Variants in PDE3A observed in about 807,000 individuals in gnomAD.
PDE3A encodes cGMP-inhibited 3',5'-cyclic phosphodiesterase 3A.
In PDE3A, 43 loss-of-function variants were observed where a neutral mutation model predicts 98.3. The observed-to-expected ratio is 0.44, with a 90% confidence interval of 0.34 to 0.56. The LOEUF is 0.56. Ranked by LOEUF, PDE3A falls within the 20% of genes least tolerant of loss-of-function variation. The probability of loss-of-function intolerance (pLI) is 0.01; values close to 1 mark genes in which losing one functional copy is unlikely to be tolerated. For missense variants in PDE3A, 1,427 were observed against 1,440.7 expected, an observed-to-expected ratio of 0.99 and a Z score of 0.15; for synonymous variants, 663 against 567.9, an observed-to-expected ratio of 1.17 and a Z score of -2.38.
intron 5 of PDE3A, among the ~76,000 whole-genome samples, chr12:20,629,301 G>A (rs1448001676): frequency 1.3e-5 from 2 of 152,122 alleles, no homozygotes; most frequent in Non-Finnish European, 2.9e-5. Flanking sequence ...CTCTGAAATG[G>A]ATTATATTAC....
At chr12:20,562,525 T>A (rs1394431885) in intron 2 of PDE3A, among the ~76,000 whole-genome samples, 2 of 152,208 alleles carry the variant, frequency 1.3e-5, no homozygotes, top group African/African-American at 2.4e-5. Context: ...GCTGCTTTTT[T>A]TTTTTGTTTT....
intron 1 of PDE3A, among the ~76,000 whole-genome samples, chr12:20,379,561 T>C (rs1943628158): frequency 6.6e-6 from 1 of 151,824 alleles, no homozygotes; most frequent in Non-Finnish European, 1.5e-5. Context: ...AAGCATTTCA[T>C]TTAGAAAATT....
chr12:20,376,130 A>G (rs1003744631), intron 1 of PDE3A, among the ~76,000 whole-genome samples: 3 of 151,882 alleles, frequency 2.0e-5, no homozygotes, highest in African/African-American at 4.8e-5. Flanking sequence ...TAGTACACTG[A>G]TTGATTGTAT....
At position 20,552,076 on chromosome 12, in the gene PDE3A, G is replaced by A; in HGVS notation, c.961-4584G>A. On this transcript the variant is annotated intron_variant, in intron 1 of 15. Coordinates refer to ENST00000359062, the MANE Select transcript of PDE3A (RefSeq NM_000921.5). The surrounding 1 kb of genome is among the most constrained non-coding windows in gnomAD (Gnocchi z 5.1). ...TTTTTTCACATACACGGGTAGTGGT[G>A]GTCGAGAGCTTTCCGGCAACAAGAG... 6.2e-7 allele frequency: 1 copy of A among 1,612,624 alleles called. No homozygotes were observed.
intron 1 of PDE3A, among the ~76,000 whole-genome samples, chr12:20,415,233 C>T (rs987037007): frequency 1.3e-5 from 2 of 151,790 alleles, no homozygotes; most frequent in African/African-American, 4.8e-5. Context: ...GGCATCGATC[C>T]TGAGTTTGAC....
Position 20,422,174 on chromosome 12 carries a change from A to G in PDE3A, c.960+51930A>G, listed in dbSNP as rs561841963. On this transcript the variant is annotated intron_variant, in intron 1 of 15. Transcript: ENST00000359062. ...ATCCTGGCTAACACGGTGAAACTCC[A>G]TCTCTACTAAAAATACAAAAAATTA... is the stretch of plus-strand genomic sequence containing the variant. Among the ~76,000 whole-genome samples the G allele has an allele frequency of 5.9e-4, 90 of 152,078 alleles. 1 individual carries two copies. The highest frequency in any genetic ancestry group is 9.7e-4 in the East Asian group (5 of 5,140).
chr12:20,624,397 G>C (rs1944209034), intron 5 of PDE3A, among the ~76,000 whole-genome samples: 1 of 152,148 alleles, frequency 6.6e-6, no homozygotes, highest in Non-Finnish European at 1.5e-5. Context: ...TGATGGAACA[G>C]CCTCATATTC....
intron 1 of PDE3A, among the ~76,000 whole-genome samples, chr12:20,529,692 G>T (rs1946589669): frequency 6.6e-6 from 1 of 152,112 alleles, no homozygotes; most frequent in South Asian, 2.1e-4. Context: ...TTCTCTTACA[G>T]ATGTGAGAGA....
At chr12:20,435,128 G>C (rs1206072408) in intron 1 of PDE3A, among the ~76,000 whole-genome samples, 1 of 152,142 alleles carries the variant, frequency 6.6e-6, no homozygotes, top group East Asian at 1.9e-4. Context: ...GAAATGTCCT[G>C]GGGGGCCTTG....
At chr12:20,657,772 G>A (rs1945076293) in intron 15 of PDE3A, among the ~76,000 whole-genome samples, 1 of 152,140 alleles carries the variant, frequency 6.6e-6, no homozygotes, top group Admixed American at 6.6e-5. Flanking sequence ...TAATTCCAGA[G>A]AGGTTTATTG....
intron 15 of PDE3A, among the ~76,000 whole-genome samples, chr12:20,671,268 G>T (rs1191559321): frequency 6.7e-6 from 1 of 150,004 alleles, no homozygotes; most frequent in Non-Finnish European, 1.5e-5. Flanking sequence ...TCTACCAGAG[G>T]TACAAGGAGG....
intron 5 of PDE3A, among the ~76,000 whole-genome samples, chr12:20,626,981 A>G (rs1207298710): frequency 6.6e-6 from 1 of 152,106 alleles, no homozygotes; most frequent in Non-Finnish European, 1.5e-5. Flanking sequence ...TGAATTTTAA[A>G]ATGTGTGTTT....
chr12:20,445,198 AG>A (rs1239878905), intron 1 of PDE3A, among the ~76,000 whole-genome samples: 5 of 152,198 alleles, frequency 3.3e-5, no homozygotes, highest in African/African-American at 1.2e-4. Context: ...GGAAGTCGAG[AG>A]GTGAAGCCTG....
chr12:20,576,548 T>A (rs1389542310), intron 2 of PDE3A, among the ~76,000 whole-genome samples: 1 of 152,042 alleles, frequency 6.6e-6, no homozygotes, highest in African/African-American at 2.4e-5. Context: ...GAAAATGAAA[T>A]AAGAATTGCC....
chr12:20,432,354 C>T (rs971515779), intron 1 of PDE3A, among the ~76,000 whole-genome samples: 2 of 152,028 alleles, frequency 1.3e-5, no homozygotes, highest in African/African-American at 2.4e-5. Flanking sequence ...TTTGGTTATG[C>T]AAGATGAGTA....
chr12:20,445,370 C>T (rs1343989545), intron 1 of PDE3A, among the ~76,000 whole-genome samples: 1 of 152,108 alleles, frequency 6.6e-6, no homozygotes, highest in African/African-American at 2.4e-5. Context: ...GTGTAAATCT[C>T]ATTTTCCCCC....
intron 1 of PDE3A, among the ~76,000 whole-genome samples, chr12:20,543,335 C>T (rs2121226492): frequency 6.6e-6 from 1 of 151,744 alleles, no homozygotes; most frequent in South Asian, 2.1e-4. Context: ...AATAATAATA[C>T]ACCTGGAAGT....
chr12:20,549,918 C>T (rs1942154874), intron 1 of PDE3A, among the ~76,000 whole-genome samples: 1 of 152,078 alleles, frequency 6.6e-6, no homozygotes, highest in Non-Finnish European at 1.5e-5. Flanking sequence ...ATCTTACAAG[C>T]TCTGATTTGC....
intron 1 of PDE3A, among the ~76,000 whole-genome samples, chr12:20,517,610 G>C (rs967829020): frequency 1.3e-5 from 2 of 152,102 alleles, no homozygotes; most frequent in Admixed American, 1.3e-4. Flanking sequence ...TACTTCTACT[G>C]GATATCCTTA....
Sources: allele counts gnomAD v4.1 joint callset (sites outside exome capture counted in the v4.1 genomes callset), GRCh38; gene constraint gnomAD v4.1.1; non-coding constraint Gnocchi (gnomAD v3.1); transcripts MANE v1.5; gene names NCBI Gene and HGNC (gene_info 2026-07-23, HGNC 2026-07-21).